The following TSPAN18 variants were observed in gnomAD, a reference collection of about 807,000 sequenced individuals.
TSPAN18 encodes tetraspanin 18.
In TSPAN18, 14 loss-of-function variants were observed where a neutral mutation model predicts 27.3. That is an observed-to-expected ratio of 0.51 (90% confidence interval 0.34 to 0.80). TSPAN18 has a LOEUF of 0.80. Among genes scored for constraint, TSPAN18 ranks in the 30% least tolerant of loss-of-function variants. The pLI is 0.01. For missense variants in TSPAN18, 268 were observed against 323.9 expected (o/e 0.83, Z 1.32); for synonymous variants, 143 against 136.5 (o/e 1.05, Z -0.33).
intron 5 of TSPAN18, among the ~76,000 whole-genome samples, chr11:44,911,264 C>T (rs1859702554): frequency 6.6e-6 from 1 of 152,062 alleles, no homozygotes; most frequent in East Asian, 1.9e-4. Flanking sequence ...GGGGGGCTCC[C>T]TTGCAAGGTT....
At chr11:44,858,701 G>T (rs756303124) in intron 2 of TSPAN18, among the ~76,000 whole-genome samples, 5 of 152,204 alleles carry the variant, frequency 3.3e-5, no homozygotes, top group Non-Finnish European at 5.9e-5. Flanking sequence ...GGCCAAGGGG[G>T]TCCCCAGATG....
At chr11:44,903,117 G>A (rs566822701) in intron 3 of TSPAN18, among the ~76,000 whole-genome samples, 1 of 152,156 alleles carries the variant, frequency 6.6e-6, no homozygotes, top group Non-Finnish European at 1.5e-5. Context: ...TATATATTTT[G>A]GTGGGGGCAG....
chr11:44,859,553 G>C (rs576158441), intron 2 of TSPAN18: 1 of 152,252 alleles, frequency 6.6e-6, no homozygotes, highest in South Asian at 2.1e-4. Context: ...TCCAAAGCCC[G>C]TGCTCTTGGC....
intron 3 of TSPAN18, among the ~76,000 whole-genome samples, chr11:44,861,751 G>A (rs531625318): frequency 7.2e-4 from 108 of 149,118 alleles, no homozygotes; most frequent in African/African-American, 2.6e-3. Context: ...CTCTCTCTAA[G>A]TGCCTCATTT....
At chr11:44,845,681 GA>G (rs1485985346) in intron 2 of TSPAN18, among the ~76,000 whole-genome samples, 1 of 152,264 alleles carries the variant, frequency 6.6e-6, no homozygotes, top group Non-Finnish European at 1.5e-5. Flanking sequence ...ACAGAAGCCT[GA>G]AGCTGGGACT....
intron 1 of TSPAN18, among the ~76,000 whole-genome samples, chr11:44,763,723 C>G (rs1334175467): frequency 6.6e-6 from 1 of 152,106 alleles, no homozygotes; most frequent in African/African-American, 2.4e-5. Context: ...ATGTTCAATG[C>G]CATCACATGG....
At chr11:44,908,769 GAGAAAGAAAGAAAGAAAGAA>G (rs370907948) in intron 4 of TSPAN18, among the ~76,000 whole-genome samples, 9 of 71,700 alleles carry the variant, frequency 1.3e-4, no homozygotes, top group South Asian at 5.5e-4. Flanking sequence ...AGAGAGAAAG[GAGAAAGAAAGAAAGAAAGAA>G]AGAAAGAAAG....
intron 5 of TSPAN18, among the ~76,000 whole-genome samples, chr11:44,913,681 A>G (rs538884563): frequency 9.2e-5 from 14 of 152,400 alleles, no homozygotes; most frequent in Non-Finnish European, 1.9e-4. Context: ...GACATTGCCT[A>G]TAAGCAGATG....
At chr11:44,893,271 A>G (rs1317021840) in intron 3 of TSPAN18, among the ~76,000 whole-genome samples, 1 of 152,192 alleles carries the variant, frequency 6.6e-6, no homozygotes, top group Non-Finnish European at 1.5e-5. Context: ...TCACAGCTCC[A>G]TGAGCCGGCG....
chr11:44,882,583 G>GAC (rs1430057154), intron 3 of TSPAN18, among the ~76,000 whole-genome samples: 15 of 59,284 alleles, frequency 2.5e-4, no homozygotes, highest in Admixed American at 1.0e-3. Flanking sequence ...TGGTCAGAGA[G>GAC]AGAGACACAC....
intron 1 of TSPAN18, among the ~76,000 whole-genome samples, chr11:44,738,761 G>A (rs1167089428): frequency 6.6e-6 from 1 of 152,182 alleles, no homozygotes; most frequent in Non-Finnish European, 1.5e-5. Flanking sequence ...ACATTCCAAA[G>A]TGCTAGGGGT....
Position 44,908,831 on chromosome 11 carries a change from A to AAAGAAAGAAAGAAAGAAAGAGAG in TSPAN18, c.64-873_64-872insAGAAAGAAAGAAAGAAAGAGAGA, listed in dbSNP as rs1590671474. Among the ~76,000 whole-genome samples the AAAGAAAGAAAGAAAGAAAGAGAG allele has an allele frequency of 4.2e-4, 40 of 96,236 alleles. 5 individuals carry two copies. Among genetic ancestry groups the AAAGAAAGAAAGAAAGAAAGAGAG allele is most frequent in the African/African-American group, 1.6e-3 (39 of 23,804 alleles). 63.1% of individuals were successfully genotyped at this position (96,236 alleles called of 152,430 possible). A position where few individuals can be genotyped will look rare whatever the true frequency, so the allele number is the denominator to read the frequency against. On this transcript the variant is annotated intron_variant, in intron 4 of 9. Transcript: ENST00000520358. ...AGAAAGAAAGAAAGAAAGAAAGAAA[A>AAAGAAAGAAAGAAAGAAAGAGAG]AGAAAAATGGAGCAGATATTTATTG...
chr11:44,856,237 G>T (rs1240806356), intron 2 of TSPAN18, among the ~76,000 whole-genome samples: 1 of 152,052 alleles, frequency 6.6e-6, no homozygotes, highest in Non-Finnish European at 1.5e-5. Flanking sequence ...ATCTTCAGTG[G>T]CTCCCCATTG....
At chr11:44,743,140 G>A (rs1364033576) in intron 1 of TSPAN18, among the ~76,000 whole-genome samples, 1 of 151,336 alleles carries the variant, frequency 6.6e-6, no homozygotes, top group Admixed American at 6.6e-5. Flanking sequence ...AACAAAAGCA[G>A]CACTTCCCCC....
At chr11:44,809,514 A>T (rs1039858914) in intron 2 of TSPAN18, among the ~76,000 whole-genome samples, 6 of 152,270 alleles carry the variant, frequency 3.9e-5, no homozygotes, top group Non-Finnish European at 5.9e-5. Context: ...CCACAGGTCC[A>T]TAGATGCGTC....
chr11:44,829,591 C>T (rs1383176274), intron 2 of TSPAN18, among the ~76,000 whole-genome samples: 2 of 152,162 alleles, frequency 1.3e-5, no homozygotes, highest in East Asian at 3.9e-4. Context: ...TGTTGAAGGA[C>T]ATCTTGGTTG....
At chr11:44,905,267 G>T (rs909010303) in intron 3 of TSPAN18, among the ~76,000 whole-genome samples, 4 of 152,102 alleles carry the variant, frequency 2.6e-5, no homozygotes, top group African/African-American at 9.7e-5. Flanking sequence ...AAAGTAATCA[G>T]ACACCATCTC....
At chr11:44,929,081 A>C in intron 9 of TSPAN18, 50 bp from the exon 10 acceptor site, 1 of 1,611,232 alleles carries the variant, frequency 6.2e-7, no homozygotes, top group Non-Finnish European at 8.5e-7. Context: ...GGCAGCCCAC[A>C]AAGGGCCCAG....
intron 1 of TSPAN18, among the ~76,000 whole-genome samples, chr11:44,729,453 G>A (rs1854599135): frequency 6.6e-6 from 1 of 152,044 alleles, no homozygotes. Context: ...GGGAGTTGAA[G>A]GTCCCCAAGG....
Sources: gnomAD v4.1 joint callset for allele counts (sites outside exome capture counted in the v4.1 genomes callset) on GRCh38, gnomAD v4.1.1 for gene constraint, MANE v1.5 for transcripts, NCBI Gene and HGNC (gene_info 2026-07-23, HGNC 2026-07-21) for gene names.